DLGAP2: variants seen among roughly 807,000 people sequenced by gnomAD.
DLGAP2 encodes the protein disks large-associated protein 2.
A neutral mutation model predicts 100.3 loss-of-function variants in DLGAP2; 26 were observed. The ratio of observed to expected loss-of-function variants is 0.26; its 90% CI spans 0.19 to 0.36. The LOEUF is 0.36. Among genes scored for constraint, DLGAP2 ranks in the 10% least tolerant of loss-of-function variants. DLGAP2 has a pLI of 1.00. For missense variants in DLGAP2, 1,858 were observed against 1,453.2 expected (o/e 1.28, Z -4.53); for synonymous variants, 886 against 630.1 (o/e 1.41, Z -6.08).
At chr8:1,436,193 G>T (rs1434570935) in intron 3 of DLGAP2, among the ~76,000 whole-genome samples, 1 of 152,146 alleles carries the variant, frequency 6.6e-6, no homozygotes, top group Non-Finnish European at 1.5e-5. Context: ...CCAGTCCGAG[G>T]CCCAAAACCT....
intron 6 of DLGAP2, among the ~76,000 whole-genome samples, chr8:1,603,092 A>T (rs1366683177): frequency 6.6e-6 from 1 of 151,286 alleles, no homozygotes; most frequent in African/African-American, 2.4e-5. Flanking sequence ...TCAGTTCTGC[A>T]GAGGCTGGTT....
chr8:845,651 A>T (rs1797058841), intron 1 of DLGAP2, among the ~76,000 whole-genome samples: 1 of 152,186 alleles, frequency 6.6e-6, no homozygotes. Flanking sequence ...TTTGAAGCAT[A>T]GATGTTTTAA....
chr8:1,541,143 A>G (rs1563209850), intron 4 of DLGAP2, among the ~76,000 whole-genome samples: 1 of 152,198 alleles, frequency 6.6e-6, no homozygotes, highest in Non-Finnish European at 1.5e-5. Context: ...AACTTTGCCA[A>G]CTAACCTAGG....
chr8:1,486,558 G>A (rs186511157), intron 3 of DLGAP2, among the ~76,000 whole-genome samples: 7 of 152,300 alleles, frequency 4.6e-5, no homozygotes, highest in African/African-American at 1.7e-4. Context: ...GGAATTTCTC[G>A]GTTTCCTTAG....
chr8:1,129,874 A>G (rs915488351), intron 2 of DLGAP2, among the ~76,000 whole-genome samples: 1 of 152,148 alleles, frequency 6.6e-6, no homozygotes, highest in African/African-American at 2.4e-5. Context: ...CCAGGACCAC[A>G]TTTGTAAAGC....
At chr8:1,018,670 A>G (rs1467795193) in intron 2 of DLGAP2, 2 of 152,278 alleles carry the variant, frequency 1.3e-5, no homozygotes, top group East Asian at 3.8e-4. Flanking sequence ...ATATTTAAAC[A>G]AAGTTCATAC....
intron 3 of DLGAP2, among the ~76,000 whole-genome samples, chr8:1,467,768 C>G (rs573759057): frequency 1.3e-5 from 2 of 152,284 alleles, no homozygotes; most frequent in Admixed American, 1.3e-4. Flanking sequence ...GTGGCAGAGA[C>G]CACCGTGGTT....
At chr8:1,200,998 C>A (rs919899019) in intron 2 of DLGAP2, among the ~76,000 whole-genome samples, 2 of 152,170 alleles carry the variant, frequency 1.3e-5, no homozygotes, top group African/African-American at 4.8e-5. Flanking sequence ...GCGCGGCTGT[C>A]TCCCCGGACC....
rs1403532135 is a variant in DLGAP2, at chr8:1,473,727, C to A, written c.107-27639C>A. 2.0e-5 allele frequency among the ~76,000 whole-genome samples: 3 copies of A among 152,168 alleles called. No homozygotes were observed. In the East Asian group the frequency reaches 5.8e-4, roughly 29 times the overall value. The stretch of plus-strand genomic sequence containing the variant: ...GTGGGAGGGACCCAGTGGGAGATCA[C>A]TGAATCATGGGGTGGGTCCCTCCAT... On this transcript the variant is annotated intron_variant, in intron 3 of 14. Coordinates refer to ENST00000637795, the MANE Select transcript of DLGAP2 (RefSeq NM_001346810.2).
intron 3 of DLGAP2, among the ~76,000 whole-genome samples, chr8:1,496,262 A>G (rs1159851316): frequency 1.3e-5 from 2 of 151,834 alleles, no homozygotes; most frequent in African/African-American, 4.8e-5. Context: ...CAGAATCTCT[A>G]CATGAGACAT....
intron 3 of DLGAP2, among the ~76,000 whole-genome samples, chr8:1,476,464 T>C (rs1286332359): frequency 6.6e-6 from 1 of 152,190 alleles, no homozygotes; most frequent in East Asian, 1.9e-4. Flanking sequence ...ATAGTTCGGC[T>C]GAGCGCAGCG....
At chr8:1,327,235 C>T (rs144351533) in intron 3 of DLGAP2, among the ~76,000 whole-genome samples, 1 of 152,354 alleles carries the variant, frequency 6.6e-6, no homozygotes, top group Non-Finnish European at 1.5e-5. Context: ...TAAGGCTGAG[C>T]TAAGTGACCA....
At chr8:1,460,825 C>G (rs1342517721) in intron 3 of DLGAP2, among the ~76,000 whole-genome samples, 1 of 152,168 alleles carries the variant, frequency 6.6e-6, no homozygotes, top group African/African-American at 2.4e-5. Context: ...ATATACAAAC[C>G]TGGAGACCAG....
At position 1,448,319 on chromosome 8, in the gene DLGAP2, T is replaced by G. The variant is rs951269314; in HGVS notation, c.107-53047T>G. Among the ~76,000 whole-genome samples, 3 of 152,370 alleles carry G rather than the reference T, an allele frequency of 2.0e-5. No homozygotes were observed. In the South Asian group the frequency reaches 6.2e-4, roughly 32 times the overall value. On this transcript the variant is annotated intron_variant, in intron 3 of 14. Transcript: ENST00000637795. Reference sequence around the variant, plus strand: ...TCTCGTTGGTTTCAAAGAACATCTTTATTTCTGCCTTCATTTTATTATGTA... The same window carrying G: ...TCTCGTTGGTTTCAAAGAACATCTTGATTTCTGCCTTCATTTTATTATGTA...
intron 1 of DLGAP2, among the ~76,000 whole-genome samples, chr8:861,834 G>A (rs901144983): frequency 6.6e-6 from 1 of 152,198 alleles, no homozygotes; most frequent in Non-Finnish European, 1.5e-5. Flanking sequence ...GTGTTCTGCT[G>A]TTTTTGCCAA....
At chr8:1,221,446 A>C (rs1798312836) in intron 2 of DLGAP2, among the ~76,000 whole-genome samples, 1 of 152,182 alleles carries the variant, frequency 6.6e-6, no homozygotes, top group Admixed American at 6.5e-5. Context: ...TCTGGCTTGT[A>C]AGATGTCTGC....
chr8:789,127 C>T (rs1821955983), intron 1 of DLGAP2, among the ~76,000 whole-genome samples: 1 of 152,172 alleles, frequency 6.6e-6, no homozygotes, highest in Admixed American at 6.5e-5. Flanking sequence ...ATATTTTCTC[C>T]CTGTCTAGAG....
chr8:1,463,372 A>G (rs183328932), intron 3 of DLGAP2, among the ~76,000 whole-genome samples: 26 of 152,358 alleles, frequency 1.7e-4, no homozygotes, highest in Admixed American at 1.7e-3. Context: ...TAAAATACAT[A>G]TGATGAACTG....
At chr8:1,193,967 C>G (rs889519010) in intron 2 of DLGAP2, among the ~76,000 whole-genome samples, 1 of 152,096 alleles carries the variant, frequency 6.6e-6, no homozygotes, top group African/African-American at 2.4e-5. Context: ...GAGAGCTTGA[C>G]GGGAAGGAAG....
Sources: allele counts gnomAD v4.1 joint callset (sites outside exome capture counted in the v4.1 genomes callset), GRCh38; gene constraint gnomAD v4.1.1; transcripts MANE v1.5; gene names NCBI Gene and HGNC (gene_info 2026-07-23, HGNC 2026-07-21).